The following SCRN1 variants were observed in gnomAD, a reference collection of about 807,000 sequenced individuals.
The protein encoded by SCRN1 is secernin 1.
In SCRN1, 19 loss-of-function variants were observed where a neutral mutation model predicts 43.3. The observed-to-expected ratio is 0.44, with a 90% CI of 0.31 to 0.64. The LOEUF is 0.64. Ranked by LOEUF, SCRN1 falls within the 30% of genes least tolerant of loss-of-function variation. SCRN1 has a pLI of 0.09. For missense variants in SCRN1, 447 were observed against 524.1 expected (o/e 0.85, Z 1.44); for synonymous variants, 183 against 188.9 (o/e 0.97, Z 0.26).
At chr7:29,987,143 T>C (rs1789186841) in intron 1 of SCRN1, among the ~76,000 whole-genome samples, 2 of 152,216 alleles carry the variant, frequency 1.3e-5, no homozygotes, top group Admixed American at 6.5e-5. Context: ...GTTCCCTGCC[T>C]CCTGCCACCT....
chr7:29,952,683 TAA>T (rs34125711), intron 3 of SCRN1, among the ~76,000 whole-genome samples: 5 of 108,644 alleles, frequency 4.6e-5, no homozygotes, highest in East Asian at 2.5e-4. Flanking sequence ...AAGACTTGTC[TAA>T]AAAAAAAAAA....
chr7:29,959,376 T>TATC (rs1449303771), intron 2 of SCRN1, among the ~76,000 whole-genome samples: 1 of 152,216 alleles, frequency 6.6e-6, no homozygotes, highest in Admixed American at 6.5e-5. Context: ...CATTAATAAC[T>TATC]ATCACTGAGG....
intron 2 of SCRN1, among the ~76,000 whole-genome samples, chr7:29,962,670 AG>A (rs1283622126): frequency 2.2e-4 from 33 of 152,250 alleles, no homozygotes; most frequent in African/African-American, 7.2e-4. Flanking sequence ...CCTGGGTGAC[AG>A]AGTGAGACTG....
chr7:29,928,848 C>T (rs758030492), intron 6 of SCRN1, among the ~76,000 whole-genome samples: 13 of 152,196 alleles, frequency 8.5e-5, no homozygotes, highest in Non-Finnish European at 1.3e-4. Context: ...GGAATTATTG[C>T]AAAACCTAAA....
At chr7:29,939,087 A>G (rs1359424281) in intron 5 of SCRN1, among the ~76,000 whole-genome samples, 3 of 151,966 alleles carry the variant, frequency 2.0e-5, no homozygotes, top group Non-Finnish European at 4.4e-5. Flanking sequence ...AAAAATTTTG[A>G]TTTTTTAAAA....
chr7:29,966,159 C>CAGACAGAGAGAGAG (rs1310111629), intron 2 of SCRN1, among the ~76,000 whole-genome samples: 41 of 84,464 alleles, frequency 4.9e-4, no homozygotes, highest in Middle Eastern at 6.8e-3. Context: ...GACCGAGAGA[C>CAGACAGAGAGAGAG]AGAGAGAGAG....
chr7:29,979,695 T>C (rs1229025540), intron 1 of SCRN1, among the ~76,000 whole-genome samples: 2 of 152,222 alleles, frequency 1.3e-5, no homozygotes, highest in Non-Finnish European at 2.9e-5. Context: ...ACATCTATCA[T>C]GTAAGAACTC....
intron 4 of SCRN1, among the ~76,000 whole-genome samples, chr7:29,942,456 C>T (rs991458511): frequency 4.6e-5 from 7 of 152,138 alleles, no homozygotes; most frequent in African/African-American, 1.4e-4. Context: ...GCTTTTGAAA[C>T]GCAGTCATAG....
At position 29,955,245 on chromosome 7, in the gene SCRN1, T is replaced by C. The variant is rs772265546; in HGVS notation, c.275A>G (p.Asn92Ser). The C allele has an allele frequency of 8.1e-6, 13 of 1,614,178 alleles. No individual in the cohort carries two copies. Among genetic ancestry groups the C allele is most frequent in the South Asian group, 5.5e-5 (5 of 91,082 alleles). ...TGGCTCTCTGGTGTTGATGGCTTCATTGGCTATGCACACTCCATGTTCATT... is the reference window on the plus strand; with the variant it reads ...TGGCTCTCTGGTGTTGATGGCTTCACTGGCTATGCACACTCCATGTTCATT... ...GANEHGVCIA[N>S]EAINTREPAA... Residue 92 changes from asparagine to serine, a missense_variant, in exon 3 of 8, where the codon AAT becomes AGT. Asn to Ser is a conservative substitution (Grantham distance 46). Transcript: ENST00000242059.
At chr7:29,942,504 C>T (rs940117560) in intron 4 of SCRN1, among the ~76,000 whole-genome samples, 3 of 152,218 alleles carry the variant, frequency 2.0e-5, no homozygotes, top group African/African-American at 7.2e-5. Context: ...AGCAATATGA[C>T]TGCTTTGAAG....
At chr7:29,968,817 G>A in intron 2 of SCRN1, 92 bp downstream of exon 2, 3 of 1,482,496 alleles carry the variant, frequency 2.0e-6, no homozygotes, top group Non-Finnish European at 2.8e-6. Flanking sequence ...TCTGACTTGT[G>A]AGCAAGCTTC....
intron 1 of SCRN1, among the ~76,000 whole-genome samples, chr7:29,976,951 G>A (rs962060078): frequency 6.6e-6 from 1 of 152,212 alleles, no homozygotes; most frequent in African/African-American, 2.4e-5. Context: ...TGGGAGAAAA[G>A]GTCTTTGTCC....
intron 6 of SCRN1, among the ~76,000 whole-genome samples, chr7:29,927,226 G>A (rs936627014): frequency 1.3e-5 from 2 of 152,168 alleles, no homozygotes; most frequent in Non-Finnish European, 2.9e-5. Flanking sequence ...GGGCACAGCA[G>A]GTAGCTAATG....
chr7:29,954,096 A>C (rs11763228), intron 3 of SCRN1, among the ~76,000 whole-genome samples: 29,965 of 152,098 alleles, frequency 0.2, 3,028 homozygotes, highest in African/African-American at 0.25. Context: ...TCATTCATTC[A>C]AAATTCAGTT....
chr7:29,924,121 G>C lies in SCRN1; in HGVS notation c.1087-6C>G. On this transcript the variant is annotated splice_region_variant and splice_polypyrimidine_tract_variant and intron_variant, in intron 7 of 7. Transcript: ENST00000242059. ...CTCAGCTTGCGACCTTGCTCCTGAG[G>C]AAGGACACGACTGCTTTAGGTGTCA... 1.2e-6 allele frequency: 2 copies of C among 1,609,238 alleles called. No individual in the cohort carries two copies. The highest frequency in any genetic ancestry group is 1.7e-6 in the Non-Finnish European group (2 of 1,178,396).
chr7:29,955,432 T>C (rs1352215761), intron 2 of SCRN1, 72 bp from the exon 3 acceptor site: 7 of 1,404,262 alleles, frequency 5.0e-6, no homozygotes, highest in East Asian at 4.6e-5. Flanking sequence ...TGGGTACTTA[T>C]ACTGAACCAT....
chr7:29,969,711 C>G (rs1777495181), intron 1 of SCRN1: 1 of 421,384 alleles, frequency 2.4e-6, no homozygotes. Context: ...ATTTAATGAT[C>G]TTTTCTATCT....
chr7:29,985,358 G>C (rs1789116998), intron 1 of SCRN1, among the ~76,000 whole-genome samples: 1 of 144,224 alleles, frequency 6.9e-6, no homozygotes, highest in Non-Finnish European at 1.5e-5. Flanking sequence ...AGTGAGCTGA[G>C]ATCACGCCAC....
chr7:29,932,810 C>A (rs1787205305), intron 6 of SCRN1, among the ~76,000 whole-genome samples: 1 of 151,810 alleles, frequency 6.6e-6, no homozygotes, highest in East Asian at 1.9e-4. Context: ...GCTCAGACAC[C>A]CTATTTTCCT....
Sources: allele counts gnomAD v4.1 joint callset (sites outside exome capture counted in the v4.1 genomes callset), GRCh38; gene constraint gnomAD v4.1.1; transcripts MANE v1.5; gene names NCBI Gene and HGNC (gene_info 2026-07-23, HGNC 2026-07-21).